Variants in RGS3 observed in about 807,000 individuals in gnomAD.
The protein encoded by RGS3 is regulator of G protein signaling 3, also known as regulator of G-protein signalling 3.
Under a neutral mutation model 132.6 loss-of-function variants are expected in RGS3, and 80 were observed. That is an observed-to-expected ratio of 0.60 (90% CI 0.50 to 0.73). The LOEUF is 0.73. RGS3 is among the 30% of genes least tolerant of loss of function. RGS3 has a pLI of 0.00. For synonymous variants in RGS3, 598 were observed against 620.6 expected (o/e 0.96, Z 0.54); for missense variants, 1,382 against 1,530.8 (o/e 0.90, Z 1.62).
chr9:113,469,036 C>G (rs955371592), intron 3 of RGS3, among the ~76,000 whole-genome samples: 1 of 146,138 alleles, frequency 6.8e-6, no homozygotes, highest in African/African-American at 2.6e-5. Flanking sequence ...CATTGATTTG[C>G]TCAGCATTTT....
chr9:113,533,107 G>C (rs1832540773), intron 18 of RGS3, among the ~76,000 whole-genome samples: 1 of 152,222 alleles, frequency 6.6e-6, no homozygotes, highest in South Asian at 2.1e-4. Flanking sequence ...ATGAGACTCA[G>C]GGAGGTCCTT....
intron 6 of RGS3, among the ~76,000 whole-genome samples, 186 bp from the exon 5 acceptor site, chr9:113,485,439 T>C (rs1830302427): frequency 6.6e-6 from 1 of 152,358 alleles, no homozygotes; most frequent in Non-Finnish European, 1.5e-5. Context: ...TTTTTGTCCT[T>C]AACAACATAA....
intron 15 of RGS3, among the ~76,000 whole-genome samples, chr9:113,515,685 A>C (rs1300678842): frequency 6.6e-6 from 1 of 152,212 alleles, no homozygotes. Flanking sequence ...TCCATCACCC[A>C]GATATGATAG....
intron 16 of RGS3, among the ~76,000 whole-genome samples, chr9:113,518,619 C>A (rs1430148551): frequency 6.6e-6 from 1 of 152,128 alleles, no homozygotes. Flanking sequence ...CTCATCTATT[C>A]CAAATGTACA....
At chr9:113,562,146 G>T (rs755931853) in intron 19 of RGS3, among the ~76,000 whole-genome samples, 10 of 152,144 alleles carry the variant, frequency 6.6e-5, no homozygotes, top group Non-Finnish European at 1.2e-4. Context: ...GTCTCTCTAT[G>T]CCTCTGCTTA....
At chr9:113,527,150 C>A (rs929155432) in intron 17 of RGS3, among the ~76,000 whole-genome samples, 3 of 152,226 alleles carry the variant, frequency 2.0e-5, no homozygotes, top group African/African-American at 7.2e-5. Flanking sequence ...AAGGGTGTCA[C>A]AGCACAGAAA....
chr9:113,550,400 A>T (rs1306262921), intron 19 of RGS3, among the ~76,000 whole-genome samples: 1 of 152,204 alleles, frequency 6.6e-6, no homozygotes, highest in East Asian at 1.9e-4. Context: ...TGTTGAATGA[A>T]TGAATGTTTT....
chr9:113,464,087 TGCCCG>T (rs1267691002), intron 3 of RGS3, among the ~76,000 whole-genome samples: 1 of 152,240 alleles, frequency 6.6e-6, no homozygotes, highest in African/African-American at 2.4e-5. Flanking sequence ...CACCACCTGC[TGCCCG>T]GCCATGAGTG....
intron 20 of RGS3, 112 bp downstream of exon 18, chr9:113,584,539 C>T: frequency 8.0e-7 from 1 of 1,243,042 alleles, no homozygotes; most frequent in Non-Finnish European, 1.1e-6. Context: ...TCCTGGCAGC[C>T]TCCCAGCGAA....
In RGS3 at chr9:113,596,718, G is replaced by A. The variant is rs1370158062; in HGVS notation, c.3412-50G>A. 2.0e-6 allele frequency: 3 copies of A among 1,532,038 alleles called. No homozygotes were observed. The South Asian group carries it at 3.7e-5, about 19-fold the overall frequency. The allele number at this position is 1,532,038 out of a possible 1,614,324, so 94.9% of individuals were successfully genotyped here. A position where few individuals can be genotyped will look rare whatever the true frequency, so the allele number is the denominator to read the frequency against. ...TCCCTTCCAGGCACATGGGCCCTAG[G>A]GTCAGTCCCCAGCAGGCAGCCCTGA... On this transcript the variant is annotated intron_variant, in intron 24 of 24. Coordinates refer to ENST00000350696, the Ensembl canonical transcript of RGS3.
chr9:113,472,172 TG>T (rs1829856262), intron 3 of RGS3, among the ~76,000 whole-genome samples: 1 of 152,208 alleles, frequency 6.6e-6, no homozygotes, highest in Non-Finnish European at 1.5e-5. Context: ...CCGGCCGGAA[TG>T]TCAAATGGTG....
At chr9:113,546,607 G>A (rs1024512959) in intron 19 of RGS3, among the ~76,000 whole-genome samples, 3 of 152,218 alleles carry the variant, frequency 2.0e-5, no homozygotes, top group Non-Finnish European at 4.4e-5. Context: ...CAGGACTAGA[G>A]CTCAGGTCTC....
rs762285320 is a variant in RGS3, at chr9:113,506,403, G to T, written c.995G>T (p.Arg332Leu). Residue 332 changes from arginine (R) to leucine (L), a missense_variant, in exon 12 of 25, where the codon CGG becomes CTG. Transcript: ENST00000350696. The surrounding 1 kb of genome is among the most constrained non-coding windows in gnomAD (Gnocchi z 4.7). ...GTCCCTGCAGGGGGTCCGGCGGAAC[G>T]GGCAGGGCTGCAGCAGCTGGACACG... is the stretch of plus-strand genomic sequence containing the variant. 2 of 1,590,388 alleles carry T rather than the reference G, an allele frequency of 1.3e-6. No individual in the cohort carries two copies. Among genetic ancestry groups the T allele is most frequent in the South Asian group, 1.2e-5 (1 of 86,732 alleles).
intron 17 of RGS3, among the ~76,000 whole-genome samples, chr9:113,526,621 G>A (rs1832224292): frequency 6.6e-6 from 1 of 152,208 alleles, no homozygotes; most frequent in South Asian, 2.1e-4. Flanking sequence ...AAGGGGGTTT[G>A]CTTAATGGTT....
At chr9:113,492,804 A>G (rs1314065954) in intron 7 of RGS3, among the ~76,000 whole-genome samples, 5 of 152,194 alleles carry the variant, frequency 3.3e-5, no homozygotes, top group African/African-American at 1.2e-4. Flanking sequence ...ACACTTAGAG[A>G]GAGGTTCCTG....
At chr9:113,594,332 TGAA>T (rs748729700) in intron 21 of RGS3, 95 bp from the exon 20 acceptor site, 15 of 1,592,336 alleles carry the variant, frequency 9.4e-6, no homozygotes, top group African/African-American at 1.3e-5. Flanking sequence ...CGACACACGA[TGAA>T]GGAGTAGGTG....
intron 10 of RGS3, 110 bp from the exon 9 acceptor site, chr9:113,505,332 C>G (rs1564498319): frequency 3.3e-6 from 3 of 896,504 alleles, no homozygotes; most frequent in Non-Finnish European, 5.5e-6. Flanking sequence ...CTCCAGTTCC[C>G]TTGGAGAGGA....
chr9:113,462,348 A>G, intron 3 of RGS3: 1 of 634,978 alleles, frequency 1.6e-6, no homozygotes, highest in Non-Finnish European at 2.7e-6. Flanking sequence ...GCAGGACTTC[A>G]CGAAGTGCCA....
chr9:113,585,107 G>A (rs1835052126), intron 20 of RGS3, among the ~76,000 whole-genome samples: 2 of 152,226 alleles, frequency 1.3e-5, no homozygotes, highest in Non-Finnish European at 2.9e-5. Flanking sequence ...CCTGCGCTCT[G>A]CAACATGGCA....
Sources: gnomAD v4.1 joint callset for allele counts (sites outside exome capture counted in the v4.1 genomes callset) on GRCh38, gnomAD v4.1.1 for gene constraint, Gnocchi (gnomAD v3.1) non-coding constraint, MANE v1.5 for transcripts, NCBI Gene and HGNC (gene_info 2026-07-23, HGNC 2026-07-21) for gene names.